STXBP5L: variants seen among roughly 807,000 people sequenced by gnomAD.
STXBP5L encodes the protein syntaxin-binding protein 5-like.
STXBP5L carries 65 observed loss-of-function variants against 144.5 expected under a neutral mutation model. The ratio of observed to expected loss-of-function variants is 0.45; its 90% CI spans 0.37 to 0.55. The LOEUF is 0.55. Among genes scored for constraint, STXBP5L ranks in the 20% least tolerant of loss-of-function variants. STXBP5L has a pLI of 0.00. For missense variants in STXBP5L, 1,298 were observed against 1,405.5 expected (o/e 0.92, Z 1.22); for synonymous variants, 505 against 469.6 (o/e 1.08, Z -0.97).
intron 6 of STXBP5L, among the ~76,000 whole-genome samples, chr3:121,118,647 A>G (rs558043967): frequency 1.3e-5 from 2 of 151,824 alleles, no homozygotes; most frequent in South Asian, 4.1e-4. Flanking sequence ...ACTACCCTGA[A>G]TGCAGGTATG....
chr3:121,223,073 A>C lies in STXBP5L; in HGVS notation c.1027A>C (p.Met343Leu). The change falls in exon 11 of 27, where the codon ATG becomes CTG. Residue 343 changes from methionine to leucine, a missense_variant. Coordinates refer to ENST00000471454, the MANE Select transcript of STXBP5L (RefSeq NM_001308330.2). ...KACRRPSLTI[M>L]HGKAITVLEM... Reference sequence around the variant, plus strand: ...TTGTAGAAGACCAAGTTTAACCATCATGCATGGAAAAGCAATTACAGTACT... The same window carrying C: ...TTGTAGAAGACCAAGTTTAACCATCCTGCATGGAAAAGCAATTACAGTACT... 1 of 1,613,232 alleles carries C rather than the reference A, an allele frequency of 6.2e-7. No individual in the cohort carries two copies. The highest frequency in any genetic ancestry group is 8.5e-7 in the Non-Finnish European group (1 of 1,179,574).
At chr3:121,191,240 C>G (rs993697276) in intron 9 of STXBP5L, among the ~76,000 whole-genome samples, 1 of 152,194 alleles carries the variant, frequency 6.6e-6, no homozygotes, top group African/African-American at 2.4e-5. Flanking sequence ...TGCACTCCAG[C>G]CTGGGCAACA....
At chr3:121,355,452 T>C (rs1043088517) in intron 20 of STXBP5L, among the ~76,000 whole-genome samples, 41 of 152,352 alleles carry the variant, frequency 2.7e-4, no homozygotes, top group Admixed American at 2.3e-3. Context: ...CCATCACTGA[T>C]ACCCTTTCTT....
intron 5 of STXBP5L, among the ~76,000 whole-genome samples, chr3:121,052,203 A>T (rs1948064395): frequency 6.6e-6 from 1 of 152,198 alleles, no homozygotes; most frequent in Admixed American, 6.5e-5. Flanking sequence ...TCAATAGAAA[A>T]AGAGGGAATC....
chr3:121,367,789 C>CTTTTTTT (rs2045908581), intron 20 of STXBP5L, among the ~76,000 whole-genome samples: 3 of 11,078 alleles, frequency 2.7e-4, no homozygotes, highest in East Asian at 0.01. Context: ...TTTTGCTTTT[C>CTTTTTTT]CTTTTTTTTT....
chr3:121,312,722 A>T (rs2043586432), intron 19 of STXBP5L, among the ~76,000 whole-genome samples: 1 of 151,634 alleles, frequency 6.6e-6, no homozygotes, highest in Non-Finnish European at 1.5e-5. Flanking sequence ...ACCGCCCTTA[A>T]TCCATTTAAC....
chr3:121,418,569 A>C lies in STXBP5L; in HGVS notation c.3447+12A>C, dbSNP rs868321412. 1 of 1,612,562 alleles carries C rather than the reference A, an allele frequency of 6.2e-7. No homozygotes were observed. Among genetic ancestry groups the C allele is most frequent in the African/African-American group, 1.3e-5 (1 of 74,902 alleles). The stretch of plus-strand genomic sequence containing the variant: ...AACATGCACATGAGGTAAACTGCCT[A>C]AGTAAATACAGACATCTTCATACAG... On this transcript the variant is annotated intron_variant, in intron 26 of 26. Coordinates refer to ENST00000471454, the MANE Select transcript of STXBP5L (RefSeq NM_001308330.2).
chr3:121,221,835 T>C (rs2048981346), intron 10 of STXBP5L, among the ~76,000 whole-genome samples: 1 of 151,766 alleles, frequency 6.6e-6, no homozygotes. Context: ...TAGAAAATAA[T>C]ACACACATTT....
rs761193088 is a variant in STXBP5L at position 121,254,982 on chromosome 3, T to C, written c.1529T>C (p.Val510Ala). Reference protein sequence around the residue: ...VGEGKQTCEIVEEDPFAIQMI... With the variant: ...VGEGKQTCEIAEEDPFAIQMI... ...GAAGGAAAACAAACATGTGAAATTG[T>C]AGAGGAAGACCCATTTGCCATTCAG... The change falls in exon 16 of 27, where the codon GTA (valine) becomes GCA (alanine). Residue 510 changes from valine (V) to alanine (A), a missense_variant. Transcript: ENST00000471454. 7.4e-6 allele frequency: 12 copies of C among 1,613,464 alleles called. No homozygotes were observed. In the Admixed American group the frequency reaches 8.3e-5, roughly 11 times the overall value.
chr3:121,013,597 A>G (rs1364415611), intron 3 of STXBP5L, among the ~76,000 whole-genome samples: 1 of 151,670 alleles, frequency 6.6e-6, no homozygotes, highest in East Asian at 1.9e-4. Flanking sequence ...GTTTGCAAAT[A>G]TTTTCTCCCA....
chr3:121,192,479 T>C (rs1355710238), intron 9 of STXBP5L, among the ~76,000 whole-genome samples: 1 of 152,168 alleles, frequency 6.6e-6, no homozygotes, highest in Non-Finnish European at 1.5e-5. Flanking sequence ...TACTTTAAAG[T>C]TCATATGGAA....
chr3:121,132,038 G>A (rs2045014276), intron 7 of STXBP5L, among the ~76,000 whole-genome samples: 1 of 152,178 alleles, frequency 6.6e-6, no homozygotes, highest in Admixed American at 6.5e-5. Flanking sequence ...CTTTGTTCAT[G>A]TGTTTAGCAC....
chr3:121,327,688 A>G (rs927446634), intron 20 of STXBP5L, among the ~76,000 whole-genome samples: 2 of 152,214 alleles, frequency 1.3e-5, no homozygotes, highest in Admixed American at 6.5e-5. Context: ...GTAAAATAAC[A>G]TTCACATTTT....
intron 2 of STXBP5L, among the ~76,000 whole-genome samples, chr3:120,929,510 A>G (rs1045195788): frequency 6.6e-6 from 1 of 152,122 alleles, no homozygotes; most frequent in Non-Finnish European, 1.5e-5. Flanking sequence ...CTGTATAACA[A>G]TCAGTTTAGG....
At chr3:121,140,173 T>C (rs1166207505) in intron 7 of STXBP5L, among the ~76,000 whole-genome samples, 5 of 152,076 alleles carry the variant, frequency 3.3e-5, no homozygotes, top group African/African-American at 1.2e-4. Flanking sequence ...TCAACATCGC[T>C]CATCATCAGG....
chr3:121,187,256 A>T (rs1337583417), intron 9 of STXBP5L, among the ~76,000 whole-genome samples: 4 of 152,132 alleles, frequency 2.6e-5, no homozygotes, highest in Non-Finnish European at 5.9e-5. Flanking sequence ...TTGTAGGGAC[A>T]TGGATGAAGC....
At chr3:121,232,731 G>C (rs890951732) in intron 11 of STXBP5L, among the ~76,000 whole-genome samples, 1 of 152,150 alleles carries the variant, frequency 6.6e-6, no homozygotes, top group Non-Finnish European at 1.5e-5. Context: ...CAGCAAGAAA[G>C]GTTTATCATG....
chr3:121,039,919 T>TA (rs906114971), intron 3 of STXBP5L, among the ~76,000 whole-genome samples: 1 of 151,922 alleles, frequency 6.6e-6, no homozygotes, highest in Non-Finnish European at 1.5e-5. Context: ...TGAATTTTTT[T>TA]AAAAAAATCT....
At chr3:121,349,649 G>T (rs1179702857) in intron 20 of STXBP5L, among the ~76,000 whole-genome samples, 2 of 152,058 alleles carry the variant, frequency 1.3e-5, no homozygotes, top group Non-Finnish European at 2.9e-5. Context: ...CCCTGTATTG[G>T]GGGCATATAT....
Sources: gnomAD v4.1 joint callset for allele counts (sites outside exome capture counted in the v4.1 genomes callset) on GRCh38, gnomAD v4.1.1 for gene constraint, MANE v1.5 for transcripts, NCBI Gene and HGNC (gene_info 2026-07-23, HGNC 2026-07-21) for gene names.